The following KCNMA1 variants were observed in gnomAD, a reference collection of about 807,000 sequenced individuals.
KCNMA1 encodes the protein potassium calcium-activated channel subfamily M alpha 1.
Under a neutral mutation model 140.0 loss-of-function variants are expected in KCNMA1, and 29 were observed. That is an observed-to-expected ratio of 0.21 (90% confidence interval 0.15 to 0.28). The LOEUF (loss-of-function observed/expected upper bound fraction) is 0.28. Among genes scored for constraint, KCNMA1 ranks in the 10% least tolerant of loss-of-function variants. The pLI is 1.00. For synonymous variants in KCNMA1, 612 were observed against 611.9 expected (o/e 1.00, Z 0.00); for missense variants, 880 against 1,602.2 (o/e 0.55, Z 7.70).
chr10:77,554,639 AAGAAAG>A (rs2063749528), intron 1 of KCNMA1, among the ~76,000 whole-genome samples: 1 of 151,520 alleles, frequency 6.6e-6, no homozygotes, highest in Non-Finnish European at 1.5e-5. Context: ...AAAGAAAAGA[AAGAAAG>A]AGAAAGAGAA....
At chr10:77,546,773 C>T (rs1315007029) in intron 1 of KCNMA1, among the ~76,000 whole-genome samples, 1 of 152,198 alleles carries the variant, frequency 6.6e-6, no homozygotes, top group Non-Finnish European at 1.5e-5. Flanking sequence ...GGGGAGCACA[C>T]AGATAACCCA....
chr10:77,211,695 A>G (rs2046123407), intron 3 of KCNMA1, among the ~76,000 whole-genome samples: 1 of 152,186 alleles, frequency 6.6e-6, no homozygotes, highest in Non-Finnish European at 1.5e-5. Flanking sequence ...AAATATTCGC[A>G]AACTATGCAT....
At chr10:77,415,686 G>A (rs897234373) in intron 1 of KCNMA1, among the ~76,000 whole-genome samples, 1 of 152,242 alleles carries the variant, frequency 6.6e-6, no homozygotes, top group Non-Finnish European at 1.5e-5. Flanking sequence ...ACCAGGAGGA[G>A]GATCCAGCCC....
intron 1 of KCNMA1, among the ~76,000 whole-genome samples, chr10:77,498,250 G>C (rs2042634175): frequency 6.6e-6 from 1 of 152,190 alleles, no homozygotes; most frequent in Non-Finnish European, 1.5e-5. Context: ...ACAGGGAGGT[G>C]AGCCAAGTAT....
intron 9 of KCNMA1, among the ~76,000 whole-genome samples, chr10:77,100,361 T>G (rs570439445): frequency 9.2e-5 from 14 of 152,102 alleles, no homozygotes; most frequent in Admixed American, 9.2e-4. Context: ...TGTCCTCTTG[T>G]TAGAAAGGTA....
chr10:77,046,818 T>C (rs2095083999), intron 14 of KCNMA1, among the ~76,000 whole-genome samples: 1 of 152,224 alleles, frequency 6.6e-6, no homozygotes, highest in African/African-American at 2.4e-5. Context: ...TGTTTGAGTC[T>C]TGTTAGCTGA....
intron 22 of KCNMA1, among the ~76,000 whole-genome samples, chr10:76,947,141 C>T (rs1355080342): frequency 6.6e-6 from 1 of 151,702 alleles, no homozygotes; most frequent in Non-Finnish European, 1.5e-5. Flanking sequence ...TTGCAACCAT[C>T]CTGGCCAACA....
chr10:77,173,624 C>T (rs1254709222), intron 5 of KCNMA1, among the ~76,000 whole-genome samples: 2 of 152,314 alleles, frequency 1.3e-5, no homozygotes, highest in Admixed American at 1.3e-4. Flanking sequence ...CCCCCACTCT[C>T]CTAAGGACAC....
intron 16 of KCNMA1, chr10:77,019,308 G>A: frequency 1.8e-6 from 1 of 565,534 alleles, no homozygotes; most frequent in East Asian, 3.0e-5. Context: ...TACTTCCCAG[G>A]CTGGCATGCT....
intron 14 of KCNMA1, among the ~76,000 whole-genome samples, chr10:77,041,491 G>T (rs1450886408): frequency 4.6e-5 from 7 of 150,842 alleles, no homozygotes; most frequent in African/African-American, 1.7e-4. Flanking sequence ...GGTAGAGACA[G>T]GGTTTCACCA....
At chr10:77,139,166 T>C (rs914459010) in intron 5 of KCNMA1, among the ~76,000 whole-genome samples, 1 of 152,218 alleles carries the variant, frequency 6.6e-6, no homozygotes, top group African/African-American at 2.4e-5. Flanking sequence ...AAGAAGGGTA[T>C]TGGATACTAA....
chr10:77,487,025 T>C (rs145176447), intron 1 of KCNMA1, among the ~76,000 whole-genome samples: 1 of 152,294 alleles, frequency 6.6e-6, no homozygotes, highest in African/African-American at 2.4e-5. Flanking sequence ...GTTTCAAGAA[T>C]CCCTGCAGGA....
At chr10:77,520,645 G>T (rs1414318303) in intron 1 of KCNMA1, among the ~76,000 whole-genome samples, 1 of 152,002 alleles carries the variant, frequency 6.6e-6, no homozygotes, top group Non-Finnish European at 1.5e-5. Flanking sequence ...CCATCCATCA[G>T]CCAATATCCA....
At chr10:77,021,520 T>C (rs1055567064) in intron 16 of KCNMA1, among the ~76,000 whole-genome samples, 5 of 152,230 alleles carry the variant, frequency 3.3e-5, no homozygotes, top group Admixed American at 3.3e-4. Flanking sequence ...CTATTGGCAT[T>C]GAAAGACTTT....
chr10:76,953,380 C>G (rs530114029), intron 21 of KCNMA1, among the ~76,000 whole-genome samples: 3 of 152,182 alleles, frequency 2.0e-5, no homozygotes, highest in Non-Finnish European at 2.9e-5. Flanking sequence ...TTAATCTTCA[C>G]TACAGCCCTA....
At chr10:77,340,358 C>T (rs916089000) in intron 2 of KCNMA1, among the ~76,000 whole-genome samples, 14 of 152,298 alleles carry the variant, frequency 9.2e-5, no homozygotes, top group African/African-American at 3.4e-4. Context: ...CATCCCATTA[C>T]TGTATATATA....
chr10:77,249,496 T>A (rs1599958132), intron 3 of KCNMA1: 3 of 151,864 alleles, frequency 2.0e-5, no homozygotes, highest in African/African-American at 7.3e-5. Flanking sequence ...ATAAAAAAAA[T>A]AAAAAAACGA....
chr10:77,274,484 T>C (rs556921303), intron 2 of KCNMA1, among the ~76,000 whole-genome samples: 7 of 152,304 alleles, frequency 4.6e-5, no homozygotes, highest in African/African-American at 1.7e-4. Context: ...CCATTTTCCT[T>C]GTTAAAAATG....
At chr10:76,913,835 G>C in intron 24 of KCNMA1, 1 of 536,722 alleles carries the variant, frequency 1.9e-6, no homozygotes, top group Non-Finnish European at 3.3e-6. Context: ...AGATGGGTGT[G>C]ATCAAAGGTT....
Sources: allele counts gnomAD v4.1 joint callset (sites outside exome capture counted in the v4.1 genomes callset), GRCh38; gene constraint gnomAD v4.1.1; transcripts MANE v1.5; gene names NCBI Gene and HGNC (gene_info 2026-07-23, HGNC 2026-07-21).